Variants in ZNHIT6 observed in about 807,000 individuals in gnomAD.
ZNHIT6 encodes box C/D snoRNA protein 1.
Under a neutral mutation model 57.2 loss-of-function variants are expected in ZNHIT6, and 45 were observed. The ratio of observed to expected loss-of-function variants is 0.79; its 90% CI spans 0.62 to 1.01. The LOEUF (loss-of-function observed/expected upper bound fraction) is 1.01. Ranked by LOEUF, ZNHIT6 falls within the 50% of genes least tolerant of loss-of-function variation. The probability of loss-of-function intolerance (pLI) is 0.00; values close to 1 mark genes in which losing one functional copy is unlikely to be tolerated. For synonymous variants in ZNHIT6, 188 were observed against 190.0 expected (o/e 0.99, Z 0.09); for missense variants, 528 against 567.3 (o/e 0.93, Z 0.70).
intron 8 of ZNHIT6, among the ~76,000 whole-genome samples, chr1:85,659,171 A>C (rs572124368): frequency 6.6e-6 from 1 of 152,336 alleles, no homozygotes; most frequent in South Asian, 2.1e-4. Flanking sequence ...ACAGGTAATT[A>C]GATGCTAATG....
rs17128030 is a variant in ZNHIT6 at position 85,653,233 on chromosome 1, C to T, written c.*825G>A. 88 of 152,160 alleles carry T rather than the reference C, an allele frequency of 5.8e-4. No individual in the cohort carries two copies. The East Asian group carries it at 0.016, about 27-fold the overall frequency. The allele number at this position is 152,160 out of a possible 1,614,324, so 9.4% of individuals were successfully genotyped here. A position where few individuals can be genotyped will look rare whatever the true frequency, so the allele number is the denominator to read the frequency against. ...AGAAACAGTAGTTAATAGTATTTAT[C>T]CAGGCTTCTAGTATAAGACATTGTA... On this transcript the variant is annotated 3_prime_UTR_variant, in exon 10 of 10. Transcript: ENST00000370574.
intron 7 of ZNHIT6, 60 bp from the exon 8 acceptor site, chr1:85,677,373 T>G: frequency 7.3e-7 from 1 of 1,377,608 alleles, no homozygotes; most frequent in Non-Finnish European, 1.0e-6. Context: ...CAAGATAGTC[T>G]TATGGAGACT....
intron 8 of ZNHIT6, among the ~76,000 whole-genome samples, chr1:85,671,126 C>T (rs892021529): frequency 2.6e-5 from 4 of 152,134 alleles, no homozygotes; most frequent in African/African-American, 9.7e-5. Flanking sequence ...GTAATTTCTA[C>T]AGAAATAAGT....
intron 9 of ZNHIT6, among the ~76,000 whole-genome samples, chr1:85,655,346 G>A (rs1661032385): frequency 6.6e-6 from 1 of 152,174 alleles, no homozygotes; most frequent in South Asian, 2.1e-4. Flanking sequence ...GAGCGAGGGA[G>A]AATGGATGAA....
At chr1:85,658,575 T>C (rs1438966521) in intron 8 of ZNHIT6, among the ~76,000 whole-genome samples, 1 of 151,884 alleles carries the variant, frequency 6.6e-6, no homozygotes, top group East Asian at 1.9e-4. Flanking sequence ...AAGACTCTTA[T>C]ATAATATTTA....
At chr1:85,684,970 G>T (rs1661985019) in intron 5 of ZNHIT6, among the ~76,000 whole-genome samples, 1 of 152,006 alleles carries the variant, frequency 6.6e-6, no homozygotes. Flanking sequence ...AATAACCAAA[G>T]AAATGTATAT....
At chr1:85,655,478 T>C (rs1049800054) in intron 9 of ZNHIT6, among the ~76,000 whole-genome samples, 1 of 152,186 alleles carries the variant, frequency 6.6e-6, no homozygotes, top group African/African-American at 2.4e-5. Context: ...TTTTCTAATC[T>C]TGAGTTACAC....
chr1:85,673,184 A>G (rs554912849), intron 8 of ZNHIT6, among the ~76,000 whole-genome samples: 76 of 152,176 alleles, frequency 5.0e-4, no homozygotes, highest in Admixed American at 1.4e-3. Context: ...GGGCAGGAAC[A>G]CTCTTCTTTA....
intron 8 of ZNHIT6, among the ~76,000 whole-genome samples, chr1:85,667,892 C>T (rs1007168660): frequency 1.5e-4 from 21 of 138,270 alleles, no homozygotes; most frequent in East Asian, 1.1e-3. Context: ...TGAAATTGCG[C>T]GACTGCACTC....
chr1:85,699,418 T>C (rs952695119), intron 5 of ZNHIT6, among the ~76,000 whole-genome samples: 1 of 152,132 alleles, frequency 6.6e-6, no homozygotes, highest in Non-Finnish European at 1.5e-5. Flanking sequence ...AATAAGTACA[T>C]CTTCTGTATT....
chr1:85,674,403 G>T (rs1661646518), intron 8 of ZNHIT6, among the ~76,000 whole-genome samples: 1 of 151,872 alleles, frequency 6.6e-6, no homozygotes, highest in Non-Finnish European at 1.5e-5. Flanking sequence ...CCAAAGTGCT[G>T]GGATTACAGG....
Position 85,708,358 on chromosome 1 carries a change from CCGGTCGGA to C in ZNHIT6, c.-82_-75del. On this transcript the variant is annotated 5_prime_UTR_variant, in exon 1 of 10. In the 5' UTR this introduces an upstream ATG that the reference lacks. Transcript: ENST00000370574. The stretch of plus-strand genomic sequence containing the variant: ...TGCTGCACACCAATAGGAGGAATTA[CCGGTCGGA>C]ATACCTACGGCGGCCCACGTGTGGA... 6.6e-7 allele frequency: 1 copy of C among 1,511,946 alleles called. No homozygotes were observed. Among genetic ancestry groups the C allele is most frequent in the Non-Finnish European group, 8.8e-7 (1 of 1,131,882 alleles). 93.7% of individuals were successfully genotyped at this position (1,511,946 alleles called of 1,614,324 possible).
chr1:85,708,332 C>T lies in ZNHIT6; in HGVS notation c.-48G>A. On this transcript the variant is annotated 5_prime_UTR_variant, in exon 1 of 10. Coordinates refer to ENST00000370574, the MANE Select transcript of ZNHIT6 (RefSeq NM_017953.4). ...GCTGCCACTCTATCCTTCAATGTGG[C>T]TGCTGCACACCAATAGGAGGAATTA... 1 of 1,543,642 alleles carries T rather than the reference C, an allele frequency of 6.5e-7. No individual in the cohort carries two copies. Among genetic ancestry groups the T allele is most frequent in the East Asian group, 2.3e-5 (1 of 44,146 alleles).
rs528490725 is a variant in ZNHIT6 at position 85,675,265 on chromosome 1, A to C, written c.1247+1971T>G. ...AAAAATACGTCAAAGAAGTATGCTT[A>C]AATGAAACTCACATGACCTAGCTCT... On this transcript the variant is annotated intron_variant, in intron 8 of 9. Transcript: ENST00000370574. Among the ~76,000 whole-genome samples, 155 of 152,358 alleles carry C rather than the reference A, an allele frequency of 1.0e-3. 1 individual carries two copies. The highest frequency in any genetic ancestry group is 3.6e-3 in the African/African-American group (151 of 41,588).
rs1168931347 is a variant in ZNHIT6, at chr1:85,652,528, T to A, written c.*1530A>T. 2.0e-5 allele frequency: 3 copies of A among 152,344 alleles called. No individual in the cohort carries two copies. The East Asian group carries it at 5.8e-4, about 29-fold the overall frequency. The allele number at this position is 152,344 out of a possible 1,614,324, so 9.4% of individuals were successfully genotyped here. ...TCACTTTCTATGAACTTTCTATGAA[T>A]CACATTCCATTAGTACTTTCATACC... is the stretch of plus-strand genomic sequence containing the variant. On this transcript the variant is annotated 3_prime_UTR_variant, in exon 10 of 10. Coordinates refer to ENST00000370574, the MANE Select transcript of ZNHIT6 (RefSeq NM_017953.4).
intron 8 of ZNHIT6, among the ~76,000 whole-genome samples, chr1:85,662,635 T>C (rs1272272924): frequency 1.3e-5 from 2 of 152,228 alleles, no homozygotes; most frequent in Non-Finnish European, 2.9e-5. Flanking sequence ...TTTGCCATAG[T>C]TAATCTTTTT....
rs761508241 is a variant in ZNHIT6, at chr1:85,706,263, A to C, written c.815T>G (p.Met272Arg). ...AAGTGGCTTACCACTTAGGAGATTC[A>C]TTTCAGTAAACTGTTGTATTGAAAT... is the stretch of plus-strand genomic sequence containing the variant. ...AYISIQQFTE[M>R]NLLSDYRFLE... The change falls in exon 3 of 10, where the codon ATG (methionine) becomes AGG (arginine). Residue 272 changes from methionine to arginine, a missense_variant. Met to Arg is a moderately conservative substitution (Grantham distance 91). Transcript: ENST00000370574. 1 of 1,611,410 alleles carries C rather than the reference A, an allele frequency of 6.2e-7. No homozygotes were observed. Among genetic ancestry groups the C allele is most frequent in the Non-Finnish European group, 8.5e-7 (1 of 1,178,314 alleles).
chr1:85,658,564 A>G (rs912869039), intron 8 of ZNHIT6, among the ~76,000 whole-genome samples: 6 of 151,896 alleles, frequency 4.0e-5, no homozygotes, highest in African/African-American at 1.4e-4. Context: ...AGAAATAGTT[A>G]AAGACTCTTA....
Position 85,694,257 on chromosome 1 carries a change from G to A in ZNHIT6, c.1019+7900C>T, listed in dbSNP as rs552884977. On this transcript the variant is annotated intron_variant, in intron 5 of 9. Transcript: ENST00000370574. ...ATCAACAGACAAAAATGCAAACTAC[G>A]GAACTCTAGTTAACGATGCTTAAGT... is the stretch of plus-strand genomic sequence containing the variant. Among the ~76,000 whole-genome samples, 7 of 152,176 alleles carry A rather than the reference G, an allele frequency of 4.6e-5. No homozygotes were observed. The East Asian group carries it at 5.8e-4, about 13-fold the overall frequency.
Sources: allele counts gnomAD v4.1 joint callset (sites outside exome capture counted in the v4.1 genomes callset), GRCh38; gene constraint gnomAD v4.1.1; transcripts MANE v1.5; gene names NCBI Gene and HGNC (gene_info 2026-07-23, HGNC 2026-07-21).